ZFHX3: variants seen among roughly 807,000 people sequenced by gnomAD.
The protein encoded by ZFHX3 is zinc finger homeobox protein 3.
Under a neutral mutation model 279.1 loss-of-function variants are expected in ZFHX3, and 42 were observed. The observed-to-expected ratio is 0.15, with a 90% CI of 0.12 to 0.19. The LOEUF (loss-of-function observed/expected upper bound fraction) is 0.19, where lower values mean the gene tolerates loss of function less well. Among genes scored for constraint, ZFHX3 ranks in the 10% least tolerant of loss-of-function variants. ZFHX3 has a pLI of 1.00. For synonymous variants in ZFHX3, 2,293 were observed against 1,957.8 expected, an observed-to-expected ratio of 1.17 and a Z score of -4.52; for missense variants, 4,981 against 4,754.0, an observed-to-expected ratio of 1.05 and a Z score of -1.40.
chr16:72,884,140 CTTAAGCTGTATACA>C (rs1888418850), intron 4 of ZFHX3, among the ~76,000 whole-genome samples: 3 of 152,140 alleles, frequency 2.0e-5, no homozygotes. Context: ...TCTCTTAACT[CTTAAGCTGTATACA>C]TTAAGCACAA....
intron 3 of ZFHX3, among the ~76,000 whole-genome samples, chr16:73,371,842 G>T (rs1022605354): frequency 6.6e-6 from 1 of 152,150 alleles, no homozygotes. Flanking sequence ...CTTGCTGATC[G>T]CAATGCCCTT....
chr16:73,134,931 T>C (rs1408357594), intron 6 of ZFHX3, among the ~76,000 whole-genome samples: 1 of 152,052 alleles, frequency 6.6e-6, no homozygotes, highest in African/African-American at 2.4e-5. Context: ...TCAGCTCAGG[T>C]CTCAGAATAA....
intron 3 of ZFHX3, among the ~76,000 whole-genome samples, chr16:72,919,777 C>CTTTTTTT (rs532405250): frequency 0.012 from 525 of 42,292 alleles, 174 homozygotes; most frequent in East Asian, 0.027. Flanking sequence ...TATGCACCAT[C>CTTTTTTT]TTTTTTTTTT....
rs765881487 is a variant in ZFHX3, at chr16:72,950,839, A to T, written c.2846T>A (p.Val949Asp). 1.2e-6 allele frequency: 2 copies of T among 1,614,054 alleles called. No individual in the cohort carries two copies. Among genetic ancestry groups the T allele is most frequent in the Non-Finnish European group, 1.7e-6 (2 of 1,180,042 alleles). ...GTTGTCCGTCGTGAACTTGTTGCAG[A>T]CGGCGCACTGGAAGAGCTTCAGCGA... Reference protein sequence around the residue: ...DPSLKLFQCAVCNKFTTDNLD... With the variant: ...DPSLKLFQCADCNKFTTDNLD... Residue 949 changes from valine (V) to aspartate (D), a missense_variant, in exon 3 of 10, where the codon GTC (valine) becomes GAC (aspartate). Coordinates refer to ENST00000268489, the MANE Select transcript of ZFHX3 (RefSeq NM_006885.4).
intron 1 of ZFHX3, among the ~76,000 whole-genome samples, chr16:73,802,287 C>T (rs895064557): frequency 1.3e-5 from 2 of 152,240 alleles, no homozygotes; most frequent in African/African-American, 2.4e-5. Flanking sequence ...GGTGACAAAG[C>T]GAAGGCCATC....
At chr16:72,807,103 T>C (rs757092548) in intron 7 of ZFHX3, 19 of 152,218 alleles carry the variant, frequency 1.2e-4, no homozygotes, top group Admixed American at 5.2e-4. Context: ...TCCACCCTTC[T>C]TTCCTGAAAG....
chr16:73,671,966 C>G (rs1390004858), intron 2 of ZFHX3, among the ~76,000 whole-genome samples: 1 of 151,582 alleles, frequency 6.6e-6, no homozygotes, highest in African/African-American at 2.4e-5. Flanking sequence ...TGTCATCTTT[C>G]TGCTTTTTTT....
At chr16:73,148,510 A>T (rs1966878554) in intron 5 of ZFHX3, among the ~76,000 whole-genome samples, 1 of 146,024 alleles carries the variant, frequency 6.8e-6, no homozygotes, top group Non-Finnish European at 1.5e-5. Context: ...TTCTTCAGAG[A>T]TTAAAGAATG....
intron 3 of ZFHX3, among the ~76,000 whole-genome samples, chr16:73,431,397 G>A (rs1459010002): frequency 2.0e-5 from 3 of 151,974 alleles, no homozygotes; most frequent in Admixed American, 1.3e-4. Context: ...AAAATTAGCC[G>A]GGCTATGGTG....
chr16:73,690,238 C>G (rs76391649), intron 1 of ZFHX3, among the ~76,000 whole-genome samples: 1 of 152,262 alleles, frequency 6.6e-6, no homozygotes, highest in Non-Finnish European at 1.5e-5. Context: ...GTTTTACATC[C>G]ATCCCAAGAA....
intron 3 of ZFHX3, among the ~76,000 whole-genome samples, chr16:72,919,393 T>A (rs560225523): frequency 9.2e-5 from 14 of 151,792 alleles, no homozygotes; most frequent in African/African-American, 3.1e-4. Flanking sequence ...ACTCCTGAGC[T>A]CAAGTGATCT....
intron 2 of ZFHX3, among the ~76,000 whole-genome samples, chr16:73,488,129 G>A (rs929688499): frequency 1.3e-5 from 2 of 152,198 alleles, no homozygotes; most frequent in Non-Finnish European, 2.9e-5. Flanking sequence ...CTGGTACAAG[G>A]TCCTCACAAA....
At chr16:72,924,849 C>A (rs1448774922) in intron 3 of ZFHX3, among the ~76,000 whole-genome samples, 1 of 152,200 alleles carries the variant, frequency 6.6e-6, no homozygotes, top group Non-Finnish European at 1.5e-5. Flanking sequence ...ATTAAACTAA[C>A]CTCCTGGGTT....
chr16:72,881,110 C>A (rs975484300), intron 4 of ZFHX3, among the ~76,000 whole-genome samples: 1 of 152,186 alleles, frequency 6.6e-6, no homozygotes, highest in Non-Finnish European at 1.5e-5. Context: ...TGAGGAAACC[C>A]AGTGAGGAGG....
At chr16:73,643,697 G>A (rs1180524618) in intron 2 of ZFHX3, among the ~76,000 whole-genome samples, 1 of 152,142 alleles carries the variant, frequency 6.6e-6, no homozygotes, top group Non-Finnish European at 1.5e-5. Flanking sequence ...AAAGTTGAGG[G>A]AGTGTTTCTT....
intron 1 of ZFHX3, among the ~76,000 whole-genome samples, chr16:73,879,274 A>G (rs1597155582): frequency 1.4e-5 from 2 of 146,458 alleles, no homozygotes; most frequent in African/African-American, 2.5e-5. Flanking sequence ...CGTGGTCAGG[A>G]GCAGGTGGAG....
chr16:72,913,428 T>A (rs2039368048), intron 3 of ZFHX3, among the ~76,000 whole-genome samples: 1 of 152,162 alleles, frequency 6.6e-6, no homozygotes, highest in African/African-American at 2.4e-5. Flanking sequence ...CAGTGTGGGT[T>A]TGTCTGATGT....
At chr16:73,018,928 G>A (rs1964199728) in intron 1 of ZFHX3, among the ~76,000 whole-genome samples, 1 of 152,066 alleles carries the variant, frequency 6.6e-6, no homozygotes, top group African/African-American at 2.4e-5. Context: ...TCAAGCTTCC[G>A]GTTCCGCTAA....
At chr16:73,671,981 A>G (rs2052908762) in intron 2 of ZFHX3, among the ~76,000 whole-genome samples, 1 of 151,682 alleles carries the variant, frequency 6.6e-6, no homozygotes, top group Admixed American at 6.6e-5. Context: ...TTTTTTTTTC[A>G]AAAACAGAAA....
Sources: allele counts gnomAD v4.1 joint callset (sites outside exome capture counted in the v4.1 genomes callset), GRCh38; gene constraint gnomAD v4.1.1; transcripts MANE v1.5; gene names NCBI Gene and HGNC (gene_info 2026-07-23, HGNC 2026-07-21).